Variants in RAF1 observed in about 807,000 individuals in gnomAD.
RAF1 encodes RAF proto-oncogene serine/threonine-protein kinase.
A neutral mutation model predicts 81.1 loss-of-function variants in RAF1; 27 were observed. The ratio of observed to expected loss-of-function variants is 0.33; its 90% CI spans 0.25 to 0.46. The LOEUF (loss-of-function observed/expected upper bound fraction) is 0.46, where lower values mean the gene tolerates loss of function less well. Among genes scored for constraint, RAF1 ranks in the 20% least tolerant of loss-of-function variants. The probability of loss-of-function intolerance (pLI) is 1.00; values close to 1 mark genes in which losing one functional copy is unlikely to be tolerated. For synonymous variants in RAF1, 298 were observed against 294.0 expected, an observed-to-expected ratio of 1.01 and a Z score of -0.14; for missense variants, 598 against 826.0, an observed-to-expected ratio of 0.72 and a Z score of 3.38.
chr3:12,598,725 C>CAAAAAAAAAAAAAAAAAAAAAAAAAAAA (rs59472802), intron 11 of RAF1, among the ~76,000 whole-genome samples: 9 of 61,966 alleles, frequency 1.5e-4, no homozygotes, highest in Non-Finnish European at 2.2e-4. Context: ...GAATCTATCT[C>CAAAAAAAAAAAAAAAAAAAAAAAAAAAA]AAAAAAAAAA....
chr3:12,655,271 A>C lies in RAF1; in HGVS notation c.-27+8542T>G, dbSNP rs181742726. Among the ~76,000 whole-genome samples the C allele has an allele frequency of 4.7e-3, 720 of 152,264 alleles. 7 individuals are homozygous for C. Among genetic ancestry groups the C allele is most frequent in the African/African-American group, 0.016 (669 of 41,570 alleles). On this transcript the variant is annotated intron_variant, in intron 1 of 17. Transcript: ENST00000442415. Reference sequence around the variant, plus strand: ...CGAATTTTTTTTGTACTTTTAGTAGAGACGGGGTTTCACCATGTTGGCCAG... The same window carrying C: ...CGAATTTTTTTTGTACTTTTAGTAGCGACGGGGTTTCACCATGTTGGCCAG...
At chr3:12,608,479 T>C (rs1391312313) in intron 5 of RAF1, 3 of 440,144 alleles carry the variant, frequency 6.8e-6, no homozygotes, top group African/African-American at 4.0e-5. Context: ...AAAAATCTTC[T>C]TGTTTTCATA....
rs2125452958 is a variant in RAF1, at chr3:12,618,576, G to A, written c.146C>T (p.Thr49Ile). Residue 49 changes from threonine (T) to isoleucine (I), a missense_variant, in exon 2 of 18, where the codon ACA becomes ATA. Physicochemically the swap from Thr to Ile is moderately conservative, Grantham distance 89. This residue lies in a region of RAF1 where 83 missense variants were observed against 72.3 expected (regional missense o/e 1.15). Transcript: ENST00000442415. The stretch of plus-strand genomic sequence containing the variant: ...AGTGTTGCTTGTCTTAGAAGGATCT[G>A]TGAGTTTGCCATCATCTGATGCCCG... The A allele has an allele frequency of 1.2e-6, 2 of 1,614,166 alleles. No individual in the cohort carries two copies. The highest frequency in any genetic ancestry group is 1.7e-6 in the Non-Finnish European group (2 of 1,180,036).
chr3:12,585,630 C>A (rs766907202), intron 15 of RAF1, 51 bp downstream of exon 14: 1 of 1,473,302 alleles, frequency 6.8e-7, no homozygotes, highest in East Asian at 2.3e-5. Flanking sequence ...ATCTCCAAGG[C>A]ATTCCTTTTG....
rs147157548 is a variant in RAF1, at chr3:12,602,150, T to C, written c.894+1328A>G. ...TATCCCATATTTTATTCTGTGCTAATTTCTATAGTTGGATCAATTTATTCT... is the reference window on the plus strand; with the variant it reads ...TATCCCATATTTTATTCTGTGCTAACTTCTATAGTTGGATCAATTTATTCT... On this transcript the variant is annotated intron_variant, in intron 8 of 17. Transcript: ENST00000442415. Among the ~76,000 whole-genome samples, 432 of 152,368 alleles carry C rather than the reference T, an allele frequency of 2.8e-3. 2 individuals are homozygous for C. The highest frequency in any genetic ancestry group is 9.8e-3 in the African/African-American group (409 of 41,592).
chr3:12,653,532 G>A (rs542550817), intron 1 of RAF1, among the ~76,000 whole-genome samples: 12 of 152,148 alleles, frequency 7.9e-5, no homozygotes, highest in African/African-American at 2.9e-4. Flanking sequence ...ATTACTTGAG[G>A]TCAGGAGTTC....
chr3:12,605,600 A>G (rs1390464338), intron 6 of RAF1, among the ~76,000 whole-genome samples: 4 of 152,210 alleles, frequency 2.6e-5, no homozygotes, highest in African/African-American at 7.2e-5. Flanking sequence ...TTTTGGATGT[A>G]GATTTTACTT....
intron 1 of RAF1, among the ~76,000 whole-genome samples, chr3:12,622,884 C>T (rs947664358): frequency 6.6e-6 from 1 of 152,050 alleles, no homozygotes; most frequent in African/African-American, 2.4e-5. Context: ...CTTTGTCAGC[C>T]GGGCGCAGTT....
chr3:12,583,644 G>A lies in RAF1; in HGVS notation c.*870C>T, dbSNP rs2058210926. On this transcript the variant is annotated 3_prime_UTR_variant, in exon 18 of 18. Coordinates refer to ENST00000442415, the MANE Select transcript of RAF1 (RefSeq NM_001354689.3). The stretch of plus-strand genomic sequence containing the variant: ...TATTTTATTAAAATAACATAATTGA[G>A]GGACCATCAGATAACTGTATTTTGT... The A allele has an allele frequency of 4.3e-6, 1 of 232,884 alleles. No homozygotes were observed. The highest frequency in any genetic ancestry group is 6.0e-5 in the East Asian group (1 of 16,556). 14.4% of individuals were successfully genotyped at this position (232,884 alleles called of 1,614,324 possible). A position where few individuals can be genotyped will look rare whatever the true frequency, so the allele number is the denominator to read the frequency against.
rs112187497 is a variant in RAF1, at chr3:12,599,673, G to A, written c.1168+18C>T. 1.2e-5 allele frequency: 19 copies of A among 1,595,710 alleles called. No homozygotes were observed. In the African/African-American group the frequency reaches 1.3e-4, roughly 11 times the overall value. ...CACCAAAGCCCTGCAGTTAGTAAAG[G>A]GAGGGCCCCAAGCTTACCGTGCCAT... On this transcript the variant is annotated intron_variant, in intron 11 of 17. Transcript: ENST00000442415.
At chr3:12,657,017 A>G (rs1360644633) in intron 1 of RAF1, among the ~76,000 whole-genome samples, 1 of 150,576 alleles carries the variant, frequency 6.6e-6, no homozygotes, top group Admixed American at 6.6e-5. Context: ...AAAAAAAAAG[A>G]GGAATAGATA....
rs1039418534 is a variant in RAF1, at chr3:12,663,833, C to T, written c.-47G>A. ...CCTACCTGAGGGAGCCAGGCCGCCC[C>T]AACGTCCTGTCGTTCGGCGGCAGCT... On this transcript the variant is annotated 5_prime_UTR_variant, in exon 1 of 18. Transcript: ENST00000442415. 7 of 397,654 alleles carry T rather than the reference C, an allele frequency of 1.8e-5. No homozygotes were observed. Among genetic ancestry groups the T allele is most frequent in the African/African-American group, 1.2e-4 (6 of 48,592 alleles). 24.6% of individuals were successfully genotyped at this position (397,654 alleles called of 1,614,324 possible). A position where few individuals can be genotyped will look rare whatever the true frequency, so the allele number is the denominator to read the frequency against.
At chr3:12,629,783 T>C (rs2059810038) in intron 1 of RAF1, among the ~76,000 whole-genome samples, 1 of 152,182 alleles carries the variant, frequency 6.6e-6, no homozygotes, top group African/African-American at 2.4e-5. Context: ...ATTATACTTT[T>C]ATTTGTTTAT....
intron 14 of RAF1, 89 bp from the exon 14 acceptor site, chr3:12,585,888 C>T: frequency 1.1e-6 from 1 of 902,398 alleles, no homozygotes; most frequent in South Asian, 1.3e-5. Flanking sequence ...ACGGTAATCT[C>T]TCCACCTTAC....
At chr3:12,637,875 T>C (rs2060077871) in intron 1 of RAF1, among the ~76,000 whole-genome samples, 1 of 151,946 alleles carries the variant, frequency 6.6e-6, no homozygotes, top group Admixed American at 6.6e-5. Flanking sequence ...AACACAAATT[T>C]GGACATATTA....
At chr3:12,641,481 T>A (rs1240523653) in intron 1 of RAF1, among the ~76,000 whole-genome samples, 3 of 147,504 alleles carry the variant, frequency 2.0e-5, no homozygotes, top group Non-Finnish European at 4.5e-5. Flanking sequence ...CAAAAAAAAA[T>A]GTTTTTTGGT....
Position 12,583,652 on chromosome 3 carries a change from C to CAGAT in RAF1, c.*858_*861dup, listed in dbSNP as rs1451446439. 8.6e-6 allele frequency: 2 copies of CAGAT among 233,026 alleles called. No individual in the cohort carries two copies. Among genetic ancestry groups the CAGAT allele is most frequent in the East Asian group, 1.2e-4 (2 of 16,578 alleles). 14.4% of individuals were successfully genotyped at this position (233,026 alleles called of 1,614,324 possible). On this transcript the variant is annotated 3_prime_UTR_variant, in exon 18 of 18. Transcript: ENST00000442415. ...TAAAATAACATAATTGAGGGACCAT[C>CAGAT]AGATAACTGTATTTTGTCAGGTGCA...
intron 16 of RAF1, 48 bp downstream of exon 15, chr3:12,585,074 C>T (rs2125320966): frequency 6.2e-7 from 1 of 1,614,044 alleles, no homozygotes; most frequent in Non-Finnish European, 8.5e-7. Flanking sequence ...CTGGCGGAGG[C>T]CCAGGGGCTC....
At chr3:12,661,952 A>T (rs1458499023) in intron 1 of RAF1, among the ~76,000 whole-genome samples, 3 of 151,840 alleles carry the variant, frequency 2.0e-5, no homozygotes, top group Non-Finnish European at 4.4e-5. Flanking sequence ...TAAGAGGCTG[A>T]AGCTGGAGGA....
Sources: allele counts gnomAD v4.1 joint callset (sites outside exome capture counted in the v4.1 genomes callset), GRCh38; gene constraint gnomAD v4.1.1; regional missense constraint gnomAD v4.1.1; transcripts MANE v1.5; gene names NCBI Gene and HGNC (gene_info 2026-07-23, HGNC 2026-07-21).